CUL1: variants seen among roughly 807,000 people sequenced by gnomAD.
CUL1 encodes the protein cullin-1.
A neutral mutation model predicts 118.0 loss-of-function variants in CUL1; 24 were observed. The ratio of observed to expected loss-of-function variants is 0.20; its 90% confidence interval spans 0.15 to 0.29. CUL1 has a LOEUF of 0.29. CUL1 is among the 10% of genes least tolerant of loss of function. CUL1 has a pLI of 1.00. For missense variants in CUL1, 361 were observed against 933.8 expected, an observed-to-expected ratio of 0.39 and a Z score of 7.99; for synonymous variants, 332 against 340.4, an observed-to-expected ratio of 0.98 and a Z score of 0.27.
chr7:148,754,299 T>C (rs1724256024), intron 3 of CUL1, 149 bp downstream of exon 3: 1 of 573,568 alleles, frequency 1.7e-6, no homozygotes, highest in African/African-American at 1.9e-5. Flanking sequence ...CATAGTCTTT[T>C]ACCTACTGTG....
At chr7:148,798,747 T>TG in intron 20 of CUL1, 70 bp downstream of exon 20, 1 of 1,287,446 alleles carries the variant, frequency 7.8e-7, no homozygotes, top group Non-Finnish European at 1.1e-6. Context: ...GGACGGGCCG[T>TG]GGGGGGTAGG....
Position 148,784,063 on chromosome 7 carries a change from C to T in CUL1, c.1284C>T (p.Ser428=), listed in dbSNP as rs1417153696. The stretch of plus-strand genomic sequence containing the variant: ...AGTTGCTGGCTCGATACTGTGACTC[C>T]TTGTTGAAGAAAAGGTATTAAATGA... ...SPELLARYCD[S]LLKKSSKNPE... is the part of the protein sequence containing the mutation. Residue 428 remains serine (S), a synonymous_variant, in exon 11 of 22, where the codon TCC becomes TCT. Coordinates refer to ENST00000325222, the MANE Select transcript of CUL1 (RefSeq NM_003592.3). 6.2e-7 allele frequency: 1 copy of T among 1,613,440 alleles called. No individual in the cohort carries two copies. Among genetic ancestry groups the T allele is most frequent in the Non-Finnish European group, 8.5e-7 (1 of 1,179,400 alleles).
chr7:148,720,091 T>A (rs1798352893), intron 1 of CUL1, among the ~76,000 whole-genome samples: 1 of 152,208 alleles, frequency 6.6e-6, no homozygotes. Flanking sequence ...TTAACTCCTT[T>A]CTTTATATAG....
intron 2 of CUL1, among the ~76,000 whole-genome samples, chr7:148,736,660 CT>C (rs1798953252): frequency 2.0e-5 from 3 of 152,136 alleles, no homozygotes; most frequent in Admixed American, 1.3e-4. Context: ...AAACTTTATC[CT>C]AAGGAAATAG....
intron 7 of CUL1, among the ~76,000 whole-genome samples, chr7:148,761,510 CAAAAGA>C (rs929802284): frequency 4.0e-5 from 6 of 151,778 alleles, no homozygotes; most frequent in East Asian, 3.9e-4. Context: ...GACTCTGTCT[CAAAAGA>C]AAAAGAAAAA....
At chr7:148,722,404 C>G (rs948559692) in intron 1 of CUL1, among the ~76,000 whole-genome samples, 1 of 152,296 alleles carries the variant, frequency 6.6e-6, no homozygotes, top group South Asian at 2.1e-4. Context: ...TGCGAAACTC[C>G]TCCATAGCCG....
chr7:148,768,665 G>A (rs998118982), intron 9 of CUL1, among the ~76,000 whole-genome samples: 3 of 152,090 alleles, frequency 2.0e-5, no homozygotes, highest in African/African-American at 4.8e-5. Context: ...GATTACAGGC[G>A]TGAGTCGTCA....
chr7:148,753,941 G>T, intron 2 of CUL1, 35 bp from the exon 3 acceptor site: 1 of 1,496,542 alleles, frequency 6.7e-7, no homozygotes, highest in Non-Finnish European at 9.1e-7. Flanking sequence ...GTTAACGTCT[G>T]TGATATATGT....
At chr7:148,799,507 G>A in intron 21 of CUL1, 119 bp downstream of exon 21, 1 of 657,050 alleles carries the variant, frequency 1.5e-6, no homozygotes, top group South Asian at 1.9e-5. Context: ...TTTGTATGTA[G>A]ATTTCTATAA....
intron 9 of CUL1, among the ~76,000 whole-genome samples, chr7:148,772,492 A>G (rs1359277181): frequency 6.6e-6 from 1 of 152,070 alleles, no homozygotes; most frequent in Non-Finnish European, 1.5e-5. Flanking sequence ...ATTGAGGAGT[A>G]TTTTTAGCTG....
At chr7:148,730,916 A>T (rs1159315240) in intron 2 of CUL1, among the ~76,000 whole-genome samples, 2 of 152,156 alleles carry the variant, frequency 1.3e-5, no homozygotes, top group African/African-American at 2.4e-5. Context: ...CACTCAAGCA[A>T]TCCTCCCATC....
chr7:148,796,576 G>A (rs1801206807), intron 17 of CUL1, among the ~76,000 whole-genome samples: 1 of 152,184 alleles, frequency 6.6e-6, no homozygotes, highest in African/African-American at 2.4e-5. Context: ...TTGTGCCTTT[G>A]TAGGTTGGAG....
At chr7:148,757,816 A>G (rs931371980) in intron 4 of CUL1, among the ~76,000 whole-genome samples, 1 of 152,204 alleles carries the variant, frequency 6.6e-6, no homozygotes, top group Non-Finnish European at 1.5e-5. Context: ...GCGGCAGGCA[A>G]GACAGAATGA....
chr7:148,792,901 G>T, intron 17 of CUL1, 83 bp downstream of exon 17: 2 of 928,092 alleles, frequency 2.2e-6, no homozygotes, highest in South Asian at 3.1e-5. Context: ...TAAGGAAGAG[G>T]ATATGGGCAT....
intron 7 of CUL1, among the ~76,000 whole-genome samples, chr7:148,764,163 C>T (rs949483594): frequency 3.3e-5 from 5 of 152,020 alleles, no homozygotes; most frequent in Admixed American, 1.3e-4. Context: ...TTTTTATTTT[C>T]CTTTTGTTTT....
intron 4 of CUL1, among the ~76,000 whole-genome samples, chr7:148,757,777 C>A (rs1799703629): frequency 6.6e-6 from 1 of 152,106 alleles, no homozygotes; most frequent in Non-Finnish European, 1.5e-5. Flanking sequence ...GAAGGCCTCA[C>A]AACCATGGCA....
chr7:148,699,176 C>G (rs1797624553), intron 1 of CUL1, 147 bp downstream of exon 1: 7 of 152,116 alleles, frequency 4.6e-5, no homozygotes, highest in Admixed American at 4.6e-4. Context: ...GAAACGCGGC[C>G]GGGCAGAATG....
chr7:148,738,045 C>T (rs1202602777), intron 2 of CUL1, among the ~76,000 whole-genome samples: 1 of 152,150 alleles, frequency 6.6e-6, no homozygotes, highest in African/African-American at 2.4e-5. Context: ...TTTAGTTTTG[C>T]TTCTTTGATT....
At chr7:148,756,520 A>G (rs243479) in intron 3 of CUL1, among the ~76,000 whole-genome samples, 33,063 of 152,002 alleles carry the variant, frequency 0.22, 4,374 homozygotes, top group South Asian at 0.33. Flanking sequence ...TATTTTTAGT[A>G]GAGACAGGGT....
Sources: allele counts gnomAD v4.1 joint callset (sites outside exome capture counted in the v4.1 genomes callset), GRCh38; gene constraint gnomAD v4.1.1; transcripts MANE v1.5; gene names NCBI Gene and HGNC (gene_info 2026-07-23, HGNC 2026-07-21).